The following PAIP1 variants were observed in gnomAD, a reference collection of about 807,000 sequenced individuals.
PAIP1 encodes poly(A) binding protein interacting protein 1.
Under a neutral mutation model 61.3 loss-of-function variants are expected in PAIP1, and 16 were observed. The ratio of observed to expected loss-of-function variants is 0.26; its 90% CI spans 0.18 to 0.40. The LOEUF is 0.40. Among genes scored for constraint, PAIP1 ranks in the 10% least tolerant of loss-of-function variants. The pLI is 1.00. For missense variants in PAIP1, 416 were observed against 600.9 expected, an observed-to-expected ratio of 0.69 and a Z score of 3.22; for synonymous variants, 187 against 226.2, an observed-to-expected ratio of 0.83 and a Z score of 1.56.
chr5:43,556,566 T>TA lies in PAIP1; in HGVS notation c.265+15dup. 1 of 1,249,714 alleles carries TA rather than the reference T, an allele frequency of 8.0e-7. No homozygotes were observed. The highest frequency in any genetic ancestry group is 1.6e-5 in the African/African-American group (1 of 64,482). 77.4% of individuals were successfully genotyped at this position (1,249,714 alleles called of 1,614,324 possible). On this transcript the variant is annotated intron_variant, in intron 1 of 10. Transcript: ENST00000306846. ...GTTCGCCAAGGAGGACTGGGGCCCT[T>TA]AGAGCTGCTCCGTACCTGGGAGCGC...
rs748648834 is a variant in PAIP1 at position 43,556,720 on chromosome 5, G to A, written c.127C>T (p.His43Tyr). The A allele has an allele frequency of 7.7e-4, 1,033 of 1,343,136 alleles. 2 individuals carry two copies. The highest frequency in any genetic ancestry group is 9.0e-4 in the Non-Finnish European group (951 of 1,051,366). 83.2% of individuals were successfully genotyped at this position (1,343,136 alleles called of 1,614,324 possible). A position where few individuals can be genotyped will look rare whatever the true frequency, so the allele number is the denominator to read the frequency against. ...GGGGCTTTGGGTTGCGGCGGCTGGTGCCGCGCCCGCTCAGCAGGCCCCGCT... is the reference window on the plus strand; with the variant it reads ...GGGGCTTTGGGTTGCGGCGGCTGGTACCGCGCCCGCTCAGCAGGCCCCGCT... ...NGAGPAERAR[H>Y]QPPQPKAPGF... The change falls in exon 1 of 11, where the codon CAC becomes TAC. Residue 43 changes from histidine (H) to tyrosine (Y), a missense_variant. This residue lies in a region of PAIP1 where 97 missense variants were observed against 89.5 expected (regional missense o/e 1.08). Transcript: ENST00000306846.
intron 6 of PAIP1, 94 bp downstream of exon 6, chr5:43,536,725 T>C: frequency 1.8e-6 from 1 of 563,870 alleles, no homozygotes; most frequent in East Asian, 3.1e-5. Flanking sequence ...CTTAAAGTGA[T>C]AAATCTTGAA....
At position 43,526,459 on chromosome 5, in the gene PAIP1, G is replaced by C. The variant is rs1299761254; in HGVS notation, c.*917C>G. 1.3e-5 allele frequency: 2 copies of C among 152,042 alleles called. No homozygotes were observed. 9.4% of individuals were successfully genotyped at this position (152,042 alleles called of 1,614,324 possible). Reference sequence around the variant, plus strand: ...TCCTTTTGTACACAGTTTTTAGTTAGCTGGAAAAAGATTTGACATTAGGTA... The same window carrying C: ...TCCTTTTGTACACAGTTTTTAGTTACCTGGAAAAAGATTTGACATTAGGTA... On this transcript the variant is annotated 3_prime_UTR_variant, in exon 11 of 11. Coordinates refer to ENST00000306846, the MANE Select transcript of PAIP1 (RefSeq NM_006451.5).
intron 3 of PAIP1, 31 bp downstream of exon 3, chr5:43,547,697 G>A (rs1041925835): frequency 1.4e-6 from 2 of 1,473,210 alleles, no homozygotes; most frequent in African/African-American, 1.4e-5. Flanking sequence ...GAAGCTATCT[G>A]AAGGTCACTG....
intron 8 of PAIP1, among the ~76,000 whole-genome samples, chr5:43,534,075 C>T (rs1473175973): frequency 6.6e-6 from 1 of 152,202 alleles, no homozygotes; most frequent in Non-Finnish European, 1.5e-5. Context: ...GCATTTTTAG[C>T]TGTGGTTTCC....
chr5:43,540,467 T>G (rs1053874968), intron 4 of PAIP1, among the ~76,000 whole-genome samples: 3 of 152,250 alleles, frequency 2.0e-5, no homozygotes, highest in African/African-American at 7.2e-5. Flanking sequence ...CCTACATAAT[T>G]GACTAGGTGA....
At chr5:43,553,418 A>T (rs1747940469) in intron 2 of PAIP1, among the ~76,000 whole-genome samples, 1 of 152,264 alleles carries the variant, frequency 6.6e-6, no homozygotes, top group Non-Finnish European at 1.5e-5. Flanking sequence ...AATGTCTGCA[A>T]ACTGAGCCAG....
chr5:43,550,837 C>CAAAAAAAAAAAAAAAAAAAAAACA (rs373730839), intron 2 of PAIP1, among the ~76,000 whole-genome samples: 1 of 49,556 alleles, frequency 2.0e-5, no homozygotes, highest in Admixed American at 3.0e-4. Context: ...AAATATACTA[C>CAAAAAAAAAAAAAAAAAAAAAACA]AAAAAAAAAA....
Position 43,555,881 on chromosome 5 carries a change from C to G in PAIP1, c.384G>C (p.Leu128=). The G allele has an allele frequency of 6.2e-7, 1 of 1,613,528 alleles. No individual in the cohort carries two copies. The highest frequency in any genetic ancestry group is 8.5e-7 in the Non-Finnish European group (1 of 1,179,854). ...GGTAAAATTCAGGGGCATTCACAGA[C>G]AGCTTAGACATTAATACAGGAGCTA... ...VVVAPVLMSK[L]SVNAPEFYPS... Residue 128 remains leucine, a synonymous_variant, in exon 2 of 11, where the codon CTG becomes CTC. Transcript: ENST00000306846.
chr5:43,556,198 C>T (rs2111613943), intron 1 of PAIP1, 199 bp from the exon 2 acceptor site: 1 of 1,344,566 alleles, frequency 7.4e-7, no homozygotes, highest in Non-Finnish European at 9.5e-7. Flanking sequence ...CCGTTATGGG[C>T]ATACCTGCCT....
intron 4 of PAIP1, 90 bp downstream of exon 4, chr5:43,542,914 C>T (rs1054053941): frequency 2.2e-5 from 15 of 693,212 alleles, no homozygotes; most frequent in Non-Finnish European, 3.8e-5. Context: ...CTATTCTTTC[C>T]TGCAGCTTTT....
intron 8 of PAIP1, among the ~76,000 whole-genome samples, chr5:43,534,333 G>A (rs1747059771): frequency 6.6e-6 from 1 of 152,084 alleles, no homozygotes; most frequent in Non-Finnish European, 1.5e-5. Flanking sequence ...CCGAGTAGCT[G>A]GGATTACAGG....
Position 43,526,733 on chromosome 5 carries a change from A to G in PAIP1, c.*643T>C, listed in dbSNP as rs1330192529. On this transcript the variant is annotated 3_prime_UTR_variant, in exon 11 of 11. Transcript: ENST00000306846. ...AGTCAGTTGAAAAAATAAAAATAAA[A>G]AAGAACAATTCTAGAATTGGAATAA... The G allele has an allele frequency of 6.6e-6, 1 of 151,084 alleles. No homozygotes were observed. Among genetic ancestry groups the G allele is most frequent in the Non-Finnish European group, 1.5e-5 (1 of 67,730 alleles). 9.4% of individuals were successfully genotyped at this position (151,084 alleles called of 1,614,324 possible).
chr5:43,547,735 T>C lies in PAIP1; in HGVS notation c.614A>G (p.Tyr205Cys), dbSNP rs776583259. 10 of 1,605,980 alleles carry C rather than the reference T, an allele frequency of 6.2e-6. No homozygotes were observed. Among genetic ancestry groups the C allele is most frequent in the African/African-American group, 1.3e-5 (1 of 74,706 alleles). The stretch of plus-strand genomic sequence containing the variant: ...TGCTATAAGCCAACATACCTGTTGA[T>C]AGATGAGTTCCACAAGTTCTTGCAA... ...DALQELVELI[Y>C]QQATSIPNFS... The change falls in exon 3 of 11, where the codon TAT becomes TGT. Residue 205 changes from tyrosine (Y) to cysteine (C), a missense_variant. This residue lies in a region of PAIP1 where 180 missense variants were observed against 211.2 expected (regional missense o/e 0.85). Transcript: ENST00000306846.
intron 8 of PAIP1, among the ~76,000 whole-genome samples, 186 bp from the exon 9 acceptor site, chr5:43,533,978 C>T (rs950424797): frequency 4.6e-5 from 7 of 152,156 alleles, no homozygotes; most frequent in African/African-American, 1.7e-4. Context: ...ATTTCCATGC[C>T]ATTATCTCAA....
intron 6 of PAIP1, among the ~76,000 whole-genome samples, chr5:43,536,343 T>C (rs1747155247): frequency 6.6e-6 from 1 of 152,196 alleles, no homozygotes; most frequent in African/African-American, 2.4e-5. Flanking sequence ...AATGCTGCCA[T>C]GGCTAAACTG....
chr5:43,538,863 C>T (rs1747274159), intron 5 of PAIP1, 61 bp downstream of exon 5: 4 of 823,740 alleles, frequency 4.9e-6, no homozygotes, highest in Non-Finnish European at 8.4e-6. Flanking sequence ...ACAAATTCCT[C>T]ATTGAGATCA....
Position 43,556,712 on chromosome 5 carries a change from C to A in PAIP1, c.135G>T (p.Pro45=), listed in dbSNP as rs755062393. ...GGAAGCCCGGGGCTTTGGGTTGCGGCGGCTGGTGCCGCGCCCGCTCAGCAG... is the reference window on the plus strand; with the variant it reads ...GGAAGCCCGGGGCTTTGGGTTGCGGAGGCTGGTGCCGCGCCCGCTCAGCAG... ...AGPAERARHQ[P]PQPKAPGFLQ... is the part of the protein sequence containing the mutation. Residue 45 remains proline, a synonymous_variant, in exon 1 of 11, where the codon CCG becomes CCT. Transcript: ENST00000306846. 4.5e-6 allele frequency: 6 copies of A among 1,330,120 alleles called. No homozygotes were observed. The highest frequency in any genetic ancestry group is 2.0e-5 in the South Asian group (1 of 49,030). 82.4% of individuals were successfully genotyped at this position (1,330,120 alleles called of 1,614,324 possible).
At chr5:43,547,072 G>A (rs1288117261) in intron 3 of PAIP1, among the ~76,000 whole-genome samples, 3 of 80,296 alleles carry the variant, frequency 3.7e-5, no homozygotes, top group South Asian at 3.7e-4. Flanking sequence ...AAAAAAAAGC[G>A]TTAATATGTT....
Sources: allele counts gnomAD v4.1 joint callset (sites outside exome capture counted in the v4.1 genomes callset), GRCh38; gene constraint gnomAD v4.1.1; regional missense constraint gnomAD v4.1.1; transcripts MANE v1.5; gene names NCBI Gene and HGNC (gene_info 2026-07-23, HGNC 2026-07-21).